ESRRG: variants seen among roughly 807,000 people sequenced by gnomAD.
The protein encoded by ESRRG is estrogen-related receptor gamma.
A neutral mutation model predicts 44.0 loss-of-function variants in ESRRG; 13 were observed. The ratio of observed to expected loss-of-function variants is 0.30; its 90% CI spans 0.19 to 0.47. ESRRG has a LOEUF of 0.47. ESRRG is among the 20% of genes least tolerant of loss of function. The pLI, the probability that ESRRG is intolerant of heterozygous loss-of-function variation, is 1.00. For synonymous variants in ESRRG, 215 were observed against 214.6 expected (o/e 1.00, Z -0.02); for missense variants, 395 against 580.6 (o/e 0.68, Z 3.29).
chr1:216,862,148 A>G (rs1326693941), intron 2 of ESRRG: 1 of 152,080 alleles, frequency 6.6e-6, no homozygotes, highest in Non-Finnish European at 1.5e-5. Context: ...TTAAACATAC[A>G]CTTAATATAT....
intron 1 of ESRRG, among the ~76,000 whole-genome samples, chr1:217,098,492 G>A (rs939282315): frequency 5.9e-5 from 9 of 152,110 alleles, no homozygotes; most frequent in African/African-American, 7.2e-5. Flanking sequence ...ACTGAGATCC[G>A]GGATTCCAGA....
intron 1 of ESRRG, among the ~76,000 whole-genome samples, chr1:217,041,397 T>C (rs912403045): frequency 1.3e-5 from 2 of 152,080 alleles, no homozygotes; most frequent in East Asian, 1.9e-4. Flanking sequence ...ATTTTAAGAG[T>C]TGAAAGAATG....
At chr1:216,698,922 T>C (rs139544563) in intron 1 of ESRRG, among the ~76,000 whole-genome samples, 24 of 152,292 alleles carry the variant, frequency 1.6e-4, no homozygotes, top group African/African-American at 4.3e-4. Context: ...CTCTCCACTC[T>C]CCAAATTTTG....
At chr1:216,732,849 A>AGG (rs796622589) in intron 2 of ESRRG, among the ~76,000 whole-genome samples, 16 of 134,554 alleles carry the variant, frequency 1.2e-4, no homozygotes, top group South Asian at 2.5e-4. Flanking sequence ...AAAAAAAAAA[A>AGG]GGGGGGGGAG....
At chr1:216,723,042 A>G (rs1210226914) in intron 1 of ESRRG, among the ~76,000 whole-genome samples, 1 of 152,166 alleles carries the variant, frequency 6.6e-6, no homozygotes, top group East Asian at 1.9e-4. Flanking sequence ...CAAAGGTAAC[A>G]TTGTAGTCAG....
chr1:216,685,548 C>T (rs1024898398), intron 1 of ESRRG, among the ~76,000 whole-genome samples: 3 of 152,130 alleles, frequency 2.0e-5, no homozygotes, highest in African/African-American at 7.2e-5. Flanking sequence ...CCCACAGCAC[C>T]GCACTAGAGA....
chr1:216,701,028 C>T (rs1016112767), intron 1 of ESRRG, among the ~76,000 whole-genome samples: 1 of 152,078 alleles, frequency 6.6e-6, no homozygotes, highest in Non-Finnish European at 1.5e-5. Flanking sequence ...CAGAATTTGT[C>T]GGTTGAGGTA....
chr1:216,779,675 T>G (rs1004703502), intron 2 of ESRRG, among the ~76,000 whole-genome samples: 2 of 146,288 alleles, frequency 1.4e-5, no homozygotes, highest in African/African-American at 2.5e-5. Context: ...TTGTAATAGA[T>G]TTAAAACTAT....
chr1:216,657,250 T>A, intron 2 of ESRRG, among the ~76,000 whole-genome samples: 1 of 152,204 alleles, frequency 6.6e-6, no homozygotes, highest in Non-Finnish European at 1.5e-5. Flanking sequence ...CTGTAACTTT[T>A]AAAAAGTCAT....
At chr1:216,787,297 T>A (rs1032645548) in intron 2 of ESRRG, among the ~76,000 whole-genome samples, 1 of 151,948 alleles carries the variant, frequency 6.6e-6, no homozygotes, top group African/African-American at 2.4e-5. Context: ...AATATTGAAA[T>A]AAGGCCATTT....
chr1:216,643,519 A>C (rs1212759848), intron 3 of ESRRG, among the ~76,000 whole-genome samples: 1 of 152,186 alleles, frequency 6.6e-6, no homozygotes, highest in Non-Finnish European at 1.5e-5. Flanking sequence ...ATAATTTGTC[A>C]AGCTAAAGGA....
chr1:217,013,773 C>G (rs2150823753), intron 1 of ESRRG, among the ~76,000 whole-genome samples: 1 of 142,022 alleles, frequency 7.0e-6, no homozygotes, highest in Non-Finnish European at 1.5e-5. Context: ...ATGTCATCCC[C>G]CCTGAAAGAG....
At chr1:216,762,538 CA>C (rs1352742136) in intron 2 of ESRRG, among the ~76,000 whole-genome samples, 1 of 136,756 alleles carries the variant, frequency 7.3e-6, no homozygotes, top group Non-Finnish European at 1.6e-5. Context: ...GGGAACATCA[CA>C]CTCTGGGGAC....
intron 3 of ESRRG, 147 bp downstream of exon 3, chr1:216,650,826 C>A (rs2068761991): frequency 3.0e-6 from 2 of 672,150 alleles, no homozygotes; most frequent in Admixed American, 4.5e-5. Flanking sequence ...ATCAGAAAGT[C>A]CAGGTATAAA....
chr1:216,706,185 A>G (rs1245547385), intron 1 of ESRRG, among the ~76,000 whole-genome samples: 1 of 151,860 alleles, frequency 6.6e-6, no homozygotes, highest in Non-Finnish European at 1.5e-5. Flanking sequence ...TCCATTTTAA[A>G]CAGTCCACCT....
chr1:217,042,794 G>A (rs2084122240), intron 1 of ESRRG, among the ~76,000 whole-genome samples: 1 of 152,068 alleles, frequency 6.6e-6, no homozygotes, highest in South Asian at 2.1e-4. Flanking sequence ...CAGCCAGTAA[G>A]CTCTGATTTG....
At chr1:216,631,008 A>G (rs1014288685) in intron 3 of ESRRG, among the ~76,000 whole-genome samples, 1 of 152,028 alleles carries the variant, frequency 6.6e-6, no homozygotes. Flanking sequence ...TAGATTTGTC[A>G]GTGACGGGGA....
At chr1:216,549,204 G>C (rs1170028894) in intron 5 of ESRRG, among the ~76,000 whole-genome samples, 1 of 152,074 alleles carries the variant, frequency 6.6e-6, no homozygotes, top group African/African-American at 2.4e-5. Context: ...ATGAACAAAA[G>C]TGATGTCAGT....
intron 1 of ESRRG, among the ~76,000 whole-genome samples, chr1:217,135,532 CGGCGGCGGCGGCGGTGTT>C (rs1284167432): frequency 6.6e-6 from 1 of 151,314 alleles, no homozygotes; most frequent in Non-Finnish European, 1.5e-5. Context: ...GCGCGCGCGG[CGGCGGCGGCGGCGGTGTT>C]GGCGGCGGCG....
Sources: gnomAD v4.1 joint callset for allele counts (sites outside exome capture counted in the v4.1 genomes callset) on GRCh38, gnomAD v4.1.1 for gene constraint, MANE v1.5 for transcripts, NCBI Gene and HGNC (gene_info 2026-07-23, HGNC 2026-07-21) for gene names.